The following ACACB variants were observed in gnomAD, a reference collection of about 807,000 sequenced individuals.
The protein encoded by ACACB is acetyl-CoA carboxylase 2.
A neutral mutation model predicts 278.8 loss-of-function variants in ACACB; 209 were observed. The observed-to-expected ratio is 0.75, with a 90% CI of 0.67 to 0.84. The LOEUF (loss-of-function observed/expected upper bound fraction) is 0.84, where lower values mean the gene tolerates loss of function less well. Ranked by LOEUF, ACACB falls within the 40% of genes least tolerant of loss-of-function variation. The pLI, the probability that ACACB is intolerant of heterozygous loss-of-function variation, is 0.00. For missense variants in ACACB, 2,850 were observed against 3,269.0 expected (o/e 0.87, Z 3.13); for synonymous variants, 1,174 against 1,285.6 (o/e 0.91, Z 1.86).
intron 24 of ACACB, among the ~76,000 whole-genome samples, chr12:109,220,083 C>T (rs2046116460): frequency 6.6e-6 from 1 of 152,208 alleles, no homozygotes; most frequent in Non-Finnish European, 1.5e-5. Context: ...CACATATTGA[C>T]TCTCTTCTGG....
chr12:109,227,314 T>C lies in ACACB; in HGVS notation c.3883-57T>C, dbSNP rs114479811. The stretch of plus-strand genomic sequence containing the variant: ...TGTTCCCCGTGAGTGCCCTCAGCTT[T>C]TGAGCACACTCTGCAGTGGCCCCTG... On this transcript the variant is annotated intron_variant, in intron 27 of 52. Transcript: ENST00000338432. The C allele has an allele frequency of 9.9e-4, 1,480 of 1,494,080 alleles. 13 individuals are homozygous for C. In the African/African-American group the frequency reaches 0.016, roughly 17 times the overall value. The allele number at this position is 1,494,080 out of a possible 1,614,324, so 92.6% of individuals were successfully genotyped here.
At position 109,216,892 on chromosome 12, in the gene ACACB, A is replaced by C; in HGVS notation, c.3536A>C (p.Lys1179Thr). ...DCIFSHAQVA[K>T]KNQLVIMLID... Reference sequence around the variant, plus strand: ...ATCTTCTCCCACGCACAGGTGGCCAAGAAGAACCAGCTGGTGATCATGTTG... The same window carrying C: ...ATCTTCTCCCACGCACAGGTGGCCACGAAGAACCAGCTGGTGATCATGTTG... Residue 1179 changes from lysine to threonine, a missense_variant, in exon 24 of 53, where the codon AAG becomes ACG. By Grantham distance (78) the Lys-to-Thr change is moderately conservative. Transcript: ENST00000338432. The C allele has an allele frequency of 1.2e-6, 2 of 1,613,886 alleles. No individual in the cohort carries two copies. Among genetic ancestry groups the C allele is most frequent in the Non-Finnish European group, 1.7e-6 (2 of 1,180,022 alleles).
chr12:109,211,012 C>T (rs915189180), intron 21 of ACACB, among the ~76,000 whole-genome samples: 3 of 150,652 alleles, frequency 2.0e-5, no homozygotes, highest in South Asian at 2.1e-4. Context: ...ATTTACACAT[C>T]GGCCTCGCGT....
chr12:109,246,141 A>G (rs1463584451), intron 38 of ACACB, 38 bp from the exon 39 acceptor site: 1 of 1,568,768 alleles, frequency 6.4e-7, no homozygotes, highest in Non-Finnish European at 8.6e-7. Context: ...CCCCAAAGAA[A>G]CAAACTCATT....
chr12:109,235,550 T>C, intron 32 of ACACB, 56 bp from the exon 33 acceptor site: 1 of 1,522,206 alleles, frequency 6.6e-7, no homozygotes, highest in Non-Finnish European at 9.1e-7. Context: ...AGGATGTACA[T>C]ATTTCAGTGC....
At chr12:109,141,195 C>CTATT (rs145966796) in intron 2 of ACACB, among the ~76,000 whole-genome samples, 4 of 151,762 alleles carry the variant, frequency 2.6e-5, no homozygotes, top group Non-Finnish European at 4.4e-5. Context: ...CACACCCAGC[C>CTATT]CATTCATTCA....
At chr12:109,179,352 G>A (rs998711944) in intron 10 of ACACB, 55 bp downstream of exon 10, 6 of 1,557,056 alleles carry the variant, frequency 3.9e-6, no homozygotes, top group Non-Finnish European at 4.4e-6. Flanking sequence ...TCAGCTCAGA[G>A]TCAGGAAGAA....
At chr12:109,164,874 C>T (rs568234907) in intron 2 of ACACB, among the ~76,000 whole-genome samples, 14 of 151,632 alleles carry the variant, frequency 9.2e-5, no homozygotes, top group East Asian at 1.9e-4. Context: ...TGAGCCACCA[C>T]GCCTGGCCCT....
intron 45 of ACACB, among the ~76,000 whole-genome samples, chr12:109,256,898 A>G (rs2047238721): frequency 6.6e-6 from 1 of 152,240 alleles, no homozygotes; most frequent in Admixed American, 6.5e-5. Flanking sequence ...TAGATGCAAT[A>G]ACATGTGTGA....
intron 18 of ACACB, among the ~76,000 whole-genome samples, chr12:109,200,753 G>A (rs975816747): frequency 9.9e-5 from 15 of 152,098 alleles, no homozygotes; most frequent in South Asian, 4.1e-4. Context: ...ATTCAAACCC[G>A]GAAAATAACA....
chr12:109,183,295 AT>A (rs766741424), intron 11 of ACACB, among the ~76,000 whole-genome samples: 3 of 149,994 alleles, frequency 2.0e-5, no homozygotes, highest in Admixed American at 1.3e-4. Flanking sequence ...AAACTTTAGG[AT>A]TTTTTTTTCT....
intron 16 of ACACB, among the ~76,000 whole-genome samples, 175 bp from the exon 17 acceptor site, chr12:109,196,833 C>G (rs1429354095): frequency 3.3e-5 from 5 of 152,220 alleles, no homozygotes; most frequent in Admixed American, 3.3e-4. Context: ...CTCCCCCAGC[C>G]CCATCAGCAG....
chr12:109,191,598 G>A lies in ACACB; in HGVS notation c.2145-15G>A, dbSNP rs1593512651. On this transcript the variant is annotated splice_polypyrimidine_tract_variant and intron_variant, in intron 13 of 52. Transcript: ENST00000338432. ...CATGAATTTGGAAAATGATCCATGT[G>A]CCTTTCCCTTCAAGGAACATGGTGG... The A allele has an allele frequency of 6.2e-7, 1 of 1,613,756 alleles. No homozygotes were observed. Among genetic ancestry groups the A allele is most frequent in the Non-Finnish European group, 8.5e-7 (1 of 1,179,842 alleles).
chr12:109,145,349 G>T (rs2043215864), intron 2 of ACACB, among the ~76,000 whole-genome samples: 1 of 152,060 alleles, frequency 6.6e-6, no homozygotes, highest in South Asian at 2.1e-4. Flanking sequence ...GTTCAGTTTT[G>T]TCACTTGGAT....
At chr12:109,137,805 G>T (rs1210938220) in intron 1 of ACACB, among the ~76,000 whole-genome samples, 1 of 151,914 alleles carries the variant, frequency 6.6e-6, no homozygotes, top group African/African-American at 2.4e-5. Flanking sequence ...AATTTTTTTT[G>T]AAATAGGGTC....
intron 1 of ACACB, among the ~76,000 whole-genome samples, chr12:109,126,985 C>G (rs1467514529): frequency 6.6e-6 from 1 of 152,196 alleles, no homozygotes; most frequent in African/African-American, 2.4e-5. Context: ...TGGCACAAAA[C>G]CAGAGATGTA....
Position 109,201,631 on chromosome 12 carries a change from C to T in ACACB, c.2843C>T (p.Pro948Leu). 3 of 1,614,180 alleles carry T rather than the reference C, an allele frequency of 1.9e-6. No individual in the cohort carries two copies. Among genetic ancestry groups the T allele is most frequent in the South Asian group, 1.1e-5 (1 of 91,076 alleles). ...GGCCGGGTGAAGTACATCAAGCGTC[C>T]AGGTGCCGTGCTGGAAGCAGGCTGC... ...ERGRVKYIKR[P>L]GAVLEAGCVV... The change falls in exon 19 of 53, where the codon CCA becomes CTA. Residue 948 changes from proline (P) to leucine (L), a missense_variant. By Grantham distance (98) the Pro-to-Leu change is moderately conservative. Transcript: ENST00000338432.
chr12:109,258,222 C>G, intron 45 of ACACB, 46 bp from the exon 46 acceptor site: 1 of 1,511,740 alleles, frequency 6.6e-7, no homozygotes, highest in Non-Finnish European at 9.1e-7. Context: ...CCCAAATGCA[C>G]CTGGGGTGCT....
At chr12:109,260,753 G>A in intron 48 of ACACB, 96 bp downstream of exon 48, 1 of 1,231,506 alleles carries the variant, frequency 8.1e-7, no homozygotes, top group Non-Finnish European at 1.1e-6. Flanking sequence ...TGCAGTGGCT[G>A]GAACCTGTAA....
Sources: gnomAD v4.1 joint callset for allele counts (sites outside exome capture counted in the v4.1 genomes callset) on GRCh38, gnomAD v4.1.1 for gene constraint, MANE v1.5 for transcripts, NCBI Gene and HGNC (gene_info 2026-07-23, HGNC 2026-07-21) for gene names.